LRCH1: variants seen among roughly 807,000 people sequenced by gnomAD.
LRCH1 encodes leucine rich repeats and calponin homology domain containing 1, also known as leucine-rich repeat and calponin homology domain-containing protein 1.
A neutral mutation model predicts 94.9 loss-of-function variants in LRCH1; 23 were observed. That is an observed-to-expected ratio of 0.24 (90% CI 0.17 to 0.34). The LOEUF is 0.34. Ranked by LOEUF, LRCH1 falls within the 10% of genes least tolerant of loss-of-function variation. The pLI, the probability that LRCH1 is intolerant of heterozygous loss-of-function variation, is 1.00. For missense variants in LRCH1, 790 were observed against 945.9 expected (o/e 0.84, Z 2.16); for synonymous variants, 364 against 354.9 (o/e 1.03, Z -0.29).
chr13:46,740,136 T>C lies in LRCH1; in HGVS notation c.2086-1506T>C, dbSNP rs531397803. ...ACAACATTGCAATAGAAAATTCTTA[T>C]TGCAATAGAAAACTTTTCTTAGATG... On this transcript the variant is annotated intron_variant, in intron 19 of 19. Transcript: ENST00000389797. Among the ~76,000 whole-genome samples, 8 of 152,336 alleles carry C rather than the reference T, an allele frequency of 5.3e-5. No homozygotes were observed. In the South Asian group the frequency reaches 1.2e-3, roughly 24 times the overall value.
intron 2 of LRCH1, among the ~76,000 whole-genome samples, chr13:46,657,515 T>C (rs1480037169): frequency 4.9e-4 from 25 of 51,026 alleles, no homozygotes; most frequent in Middle Eastern, 7.6e-3. Flanking sequence ...TTTTTTTTTT[T>C]TTTTTTTTTT....
chr13:46,633,711 C>T (rs928167307), intron 1 of LRCH1, among the ~76,000 whole-genome samples: 2 of 152,044 alleles, frequency 1.3e-5, no homozygotes, highest in South Asian at 2.1e-4. Context: ...CTTCCAAGCC[C>T]GCATTTTAGC....
intron 2 of LRCH1, among the ~76,000 whole-genome samples, chr13:46,666,321 A>G (rs1473986064): frequency 4.6e-5 from 7 of 152,220 alleles, no homozygotes; most frequent in East Asian, 1.9e-4. Context: ...ACTCTGGAAG[A>G]TTTCCAATGA....
chr13:46,663,757 T>C (rs994513843), intron 2 of LRCH1, among the ~76,000 whole-genome samples: 5 of 152,320 alleles, frequency 3.3e-5, no homozygotes, highest in Non-Finnish European at 7.4e-5. Flanking sequence ...ACTGGATCCT[T>C]GCTAGCTCCT....
At chr13:46,650,732 A>T (rs1313402123) in intron 2 of LRCH1, among the ~76,000 whole-genome samples, 3 of 145,844 alleles carry the variant, frequency 2.1e-5, no homozygotes, top group Non-Finnish European at 3.0e-5. Flanking sequence ...CAAAAAAAAA[A>T]AAAAAAAAAA....
intron 1 of LRCH1, among the ~76,000 whole-genome samples, chr13:46,630,034 G>C (rs1044786735): frequency 6.6e-6 from 1 of 152,204 alleles, no homozygotes; most frequent in Admixed American, 6.5e-5. Context: ...GAAAGTTACA[G>C]AGTGATTCCT....
chr13:46,589,804 T>C (rs2050478991), intron 1 of LRCH1, among the ~76,000 whole-genome samples: 1 of 151,996 alleles, frequency 6.6e-6, no homozygotes. Flanking sequence ...TTTTACCACA[T>C]TGGTTAGGCT....
chr13:46,562,252 A>G (rs1477241600), intron 1 of LRCH1, among the ~76,000 whole-genome samples: 5 of 152,192 alleles, frequency 3.3e-5, no homozygotes, highest in African/African-American at 9.7e-5. Flanking sequence ...CATCCACTGT[A>G]TTAGTCTGCT....
intron 1 of LRCH1, among the ~76,000 whole-genome samples, chr13:46,559,655 T>C (rs1462417438): frequency 2.0e-5 from 3 of 152,256 alleles, no homozygotes; most frequent in African/African-American, 7.2e-5. Context: ...GCTTCTAGAA[T>C]AATAGCATAC....
intron 3 of LRCH1, among the ~76,000 whole-genome samples, chr13:46,677,461 C>T (rs762077809): frequency 6.6e-6 from 1 of 151,978 alleles, no homozygotes; most frequent in South Asian, 2.1e-4. Context: ...AACTTCTAGT[C>T]TCTTTTACCA....
chr13:46,603,788 C>G (rs750729664), intron 1 of LRCH1, among the ~76,000 whole-genome samples: 3 of 152,126 alleles, frequency 2.0e-5, no homozygotes, highest in Non-Finnish European at 4.4e-5. Context: ...TCCTGAGTAG[C>G]TGAGACTATA....
In LRCH1 at chr13:46,743,774, T is replaced by A. The variant is rs1249533427; in HGVS notation, c.*1926T>A. The stretch of plus-strand genomic sequence containing the variant: ...AACTTACTGGGTTGCCACCTTAAAA[T>A]AATATCAATAAAAACTGAGTAGGAC... On this transcript the variant is annotated 3_prime_UTR_variant, in exon 20 of 20. Transcript: ENST00000389797. 1 of 984,066 alleles carries A rather than the reference T, an allele frequency of 1.0e-6. No individual in the cohort carries two copies. Among genetic ancestry groups the A allele is most frequent in the Non-Finnish European group, 1.2e-6 (1 of 828,962 alleles). 61.0% of individuals were successfully genotyped at this position (984,066 alleles called of 1,614,324 possible).
chr13:46,582,149 C>CAAAA (rs11387752), intron 1 of LRCH1, among the ~76,000 whole-genome samples: 3 of 104,514 alleles, frequency 2.9e-5, no homozygotes, highest in African/African-American at 3.8e-5. Flanking sequence ...GACTCCATCT[C>CAAAA]AAAAAAAAAA....
intron 1 of LRCH1, among the ~76,000 whole-genome samples, chr13:46,585,561 A>C (rs1384452107): frequency 1.3e-5 from 2 of 151,992 alleles, no homozygotes; most frequent in South Asian, 2.1e-4. Flanking sequence ...TCAAAAAAAA[A>C]AAAAAAAAAA....
At chr13:46,643,694 CA>C (rs2051187005) in intron 1 of LRCH1, among the ~76,000 whole-genome samples, 1 of 152,128 alleles carries the variant, frequency 6.6e-6, no homozygotes, top group Admixed American at 6.5e-5. Flanking sequence ...CAAACATGCC[CA>C]TTTTTTTTGC....
At chr13:46,628,689 C>G (rs1175385769) in intron 1 of LRCH1, among the ~76,000 whole-genome samples, 1 of 151,574 alleles carries the variant, frequency 6.6e-6, no homozygotes, top group Non-Finnish European at 1.5e-5. Context: ...ACACAAGGCC[C>G]GGCAGGCTGA....
At chr13:46,620,347 A>G (rs2138022163) in intron 1 of LRCH1, among the ~76,000 whole-genome samples, 1 of 151,902 alleles carries the variant, frequency 6.6e-6, no homozygotes, top group Middle Eastern at 3.4e-3. Context: ...CCTAGGTGAC[A>G]GTAAGAACCT....
At chr13:46,638,344 T>A (rs1038711123) in intron 1 of LRCH1, among the ~76,000 whole-genome samples, 26 of 151,742 alleles carry the variant, frequency 1.7e-4, no homozygotes, top group African/African-American at 6.1e-4. Flanking sequence ...CAATAATTCC[T>A]CCTTTGACTT....
intron 1 of LRCH1, among the ~76,000 whole-genome samples, chr13:46,589,721 C>T (rs1277690781): frequency 6.6e-6 from 1 of 151,398 alleles, no homozygotes; most frequent in East Asian, 1.9e-4. Flanking sequence ...CTGTCTCAGC[C>T]TTCCGAGTAG....
Sources: gnomAD v4.1 joint callset for allele counts (sites outside exome capture counted in the v4.1 genomes callset) on GRCh38, gnomAD v4.1.1 for gene constraint, MANE v1.5 for transcripts, NCBI Gene and HGNC (gene_info 2026-07-23, HGNC 2026-07-21) for gene names.